HEMK2: variants seen among roughly 807,000 people sequenced by gnomAD.
The protein encoded by HEMK2 is HemK methyltransferase 2, ETF1 glutamine and histone H4 lysine, also known as methyltransferase HEMK2.
At chr21:28,882,589 A>G in the HEMK2 span, among the ~76,000 whole-genome samples, 2 of 137,730 alleles carry the variant, frequency 1.5e-5, no homozygotes, top group African/African-American at 2.6e-5. Flanking sequence ...TATGAGACGA[A>G]ATTAAATTAA....
the HEMK2 span, among the ~76,000 whole-genome samples, chr21:28,879,681 G>A: frequency 3.9e-5 from 6 of 152,192 alleles, no homozygotes; most frequent in Non-Finnish European, 7.3e-5. Context: ...ATGTGTCACA[G>A]TTTGTATTTC....
At chr21:28,799,080 C>T in the HEMK2 span, among the ~76,000 whole-genome samples, 1 of 151,434 alleles carries the variant, frequency 6.6e-6, no homozygotes, top group Non-Finnish European at 1.5e-5. Context: ...CAGCACCTCC[C>T]TAGGATTGCC....
chr21:28,677,080 G>A, the HEMK2 span, among the ~76,000 whole-genome samples: 1 of 152,180 alleles, frequency 6.6e-6, no homozygotes, highest in South Asian at 2.1e-4. Context: ...CACCAAGTGT[G>A]AGCTGAAGCA....
chr21:28,750,049 C>T, the HEMK2 span, among the ~76,000 whole-genome samples: 1 of 152,188 alleles, frequency 6.6e-6, no homozygotes, highest in African/African-American at 2.4e-5. Context: ...AGTCACTCAT[C>T]TTGAAGTTTA....
At chr21:28,733,646 C>T in the HEMK2 span, among the ~76,000 whole-genome samples, 269 of 152,204 alleles carry the variant, frequency 1.8e-3, 2 homozygotes, top group Non-Finnish European at 3.0e-3. Context: ...CCACTCCCCC[C>T]AACCCCATTT....
the HEMK2 span, among the ~76,000 whole-genome samples, chr21:28,810,065 G>A: frequency 1.6e-3 from 238 of 152,274 alleles, no homozygotes; most frequent in African/African-American, 5.4e-3. Context: ...TGGAGTATCC[G>A]TAGATTCCCT....
At chr21:28,639,723 T>C in the HEMK2 span, among the ~76,000 whole-genome samples, 1 of 152,230 alleles carries the variant, frequency 6.6e-6, no homozygotes, top group African/African-American at 2.4e-5. Flanking sequence ...GCTAAGAGAA[T>C]TGAAATAAAT....
the HEMK2 span, among the ~76,000 whole-genome samples, chr21:28,838,588 G>C: frequency 6.7e-6 from 1 of 149,136 alleles, no homozygotes; most frequent in African/African-American, 2.5e-5. Context: ...CATCCTTGAT[G>C]AACACAGATG....
At chr21:28,670,455 T>C in the HEMK2 span, among the ~76,000 whole-genome samples, 15 of 152,340 alleles carry the variant, frequency 9.8e-5, no homozygotes, top group African/African-American at 3.6e-4. Flanking sequence ...GTGTACTGTC[T>C]TGAGGCCATA....
chr21:28,647,124 G>C, the HEMK2 span, among the ~76,000 whole-genome samples: 4 of 151,902 alleles, frequency 2.6e-5, no homozygotes, highest in African/African-American at 9.7e-5. Flanking sequence ...AGGGAACTTG[G>C]AAGAAAATGC....
chr21:28,684,357 A>G, the HEMK2 span, among the ~76,000 whole-genome samples: 3 of 152,248 alleles, frequency 2.0e-5, no homozygotes, highest in Admixed American at 1.3e-4. Context: ...CAATTCATCC[A>G]TCTGAATTTC....
chr21:28,747,298 C>T, the HEMK2 span, among the ~76,000 whole-genome samples: 1 of 152,174 alleles, frequency 6.6e-6, no homozygotes, highest in Non-Finnish European at 1.5e-5. Context: ...CCTGTTTGAC[C>T]GCAGTCCAGC....
At chr21:28,876,694 G>A in the HEMK2 span, among the ~76,000 whole-genome samples, 1 of 152,160 alleles carries the variant, frequency 6.6e-6, no homozygotes, top group South Asian at 2.1e-4. Flanking sequence ...TTGCTGGTGA[G>A]TCTAATCAGA....
At chr21:28,874,372 G>T in the HEMK2 span, 2 of 152,254 alleles carry the variant, frequency 1.3e-5, no homozygotes, top group Non-Finnish European at 2.9e-5. Flanking sequence ...TTCAATGATA[G>T]AGGTGGATCA....
the HEMK2 span, chr21:28,878,144 T>C: frequency 6.8e-6 from 10 of 1,463,204 alleles, no homozygotes; most frequent in African/African-American, 1.5e-4. Flanking sequence ...TTATTAACTT[T>C]TGATTTCAGC....
At chr21:28,759,055 G>A in the HEMK2 span, among the ~76,000 whole-genome samples, 1 of 152,206 alleles carries the variant, frequency 6.6e-6, no homozygotes, top group African/African-American at 2.4e-5. Flanking sequence ...CAAAGTCCTA[G>A]GATCAGGGCC....
At chr21:28,869,631 T>C in the HEMK2 span, among the ~76,000 whole-genome samples, 1 of 152,210 alleles carries the variant, frequency 6.6e-6, no homozygotes, top group African/African-American at 2.4e-5. Flanking sequence ...AATCTTCCTC[T>C]TTTTTCCATA....
the HEMK2 span, among the ~76,000 whole-genome samples, chr21:28,816,629 T>C: frequency 3.3e-5 from 5 of 152,106 alleles, no homozygotes; most frequent in African/African-American, 1.2e-4. Flanking sequence ...CGCACTGAAA[T>C]ATAAGCACAC....
the HEMK2 span, chr21:28,885,234 C>G: frequency 6.3e-7 from 1 of 1,588,032 alleles, no homozygotes; most frequent in Non-Finnish European, 8.6e-7. Context: ...GCAGCCGCTG[C>G]CTCCAGCGCG....
Sources: gnomAD v4.1 joint callset for allele counts (sites outside exome capture counted in the v4.1 genomes callset) on GRCh38, gnomAD v4.1.1 for gene constraint, MANE v1.5 for transcripts, NCBI Gene and HGNC (gene_info 2026-07-23, HGNC 2026-07-21) for gene names.